The following MAP2K3 variants were observed in gnomAD, a reference collection of about 807,000 sequenced individuals.
MAP2K3 encodes mitogen-activated protein kinase kinase 3.
In MAP2K3, 30 loss-of-function variants were observed where a neutral mutation model predicts 46.4. The ratio of observed to expected loss-of-function variants is 0.65; its 90% CI spans 0.48 to 0.88. The LOEUF (loss-of-function observed/expected upper bound fraction) is 0.88, where lower values mean the gene tolerates loss of function less well. Among genes scored for constraint, MAP2K3 ranks in the 40% least tolerant of loss-of-function variants. MAP2K3 has a pLI of 0.00. For missense variants in MAP2K3, 380 were observed against 464.5 expected (o/e 0.82, Z 1.67); for synonymous variants, 189 against 176.3 (o/e 1.07, Z -0.57).
At chr17:21,307,396 G>A (rs943411661) in intron 9 of MAP2K3, among the ~76,000 whole-genome samples, 70 of 152,212 alleles carry the variant, frequency 4.6e-4, no homozygotes, top group Non-Finnish European at 9.0e-4. Flanking sequence ...GTGGCTCTGG[G>A]GACAGGTGGA....
At chr17:21,296,300 T>C in intron 1 of MAP2K3, 1 of 822,292 alleles carries the variant, frequency 1.2e-6, no homozygotes, top group Admixed American at 2.4e-5. Flanking sequence ...GAGCTGGAGT[T>C]TACCACGGCT....
intron 9 of MAP2K3, among the ~76,000 whole-genome samples, chr17:21,306,486 A>G (rs1369261763): frequency 6.6e-6 from 1 of 152,286 alleles, no homozygotes; most frequent in Non-Finnish European, 1.5e-5. Context: ...TCTCAAGCTC[A>G]TGGAATTTTG....
chr17:21,298,801 ACACTGGCCCATCTACTGCTG>A, intron 2 of MAP2K3, 57 bp from the exon 3 acceptor site: 1 of 1,608,390 alleles, frequency 6.2e-7, no homozygotes, highest in East Asian at 2.2e-5. Flanking sequence ...GCCAGGCCCC[ACACTGGCCCATCTACTGCTG>A]CACTTGGGGA....
chr17:21,287,435 C>T (rs563265480), intron 1 of MAP2K3, among the ~76,000 whole-genome samples: 1 of 152,380 alleles, frequency 6.6e-6, no homozygotes, highest in Non-Finnish European at 1.5e-5. Flanking sequence ...ATCCCTTCTC[C>T]ACCTTCTCAA....
At chr17:21,305,533 G>A in intron 9 of MAP2K3, among the ~76,000 whole-genome samples, 1 of 152,306 alleles carries the variant, frequency 6.6e-6, no homozygotes, top group East Asian at 1.9e-4. Context: ...GCGGTGGGGT[G>A]GTAGAAAGGG....
At chr17:21,286,262 G>C (rs895503342) in intron 1 of MAP2K3, among the ~76,000 whole-genome samples, 1 of 152,246 alleles carries the variant, frequency 6.6e-6, no homozygotes, top group African/African-American at 2.4e-5. Context: ...TGCTGGAAAG[G>C]CCTCCACTGC....
chr17:21,291,147 G>C lies in MAP2K3; in HGVS notation c.49+6178G>C, dbSNP rs992118709. On this transcript the variant is annotated intron_variant, in intron 1 of 11. Coordinates refer to ENST00000342679, the MANE Select transcript of MAP2K3 (RefSeq NM_145109.3). ...TAGTCCCAGCTACTCGGGAGGCTGA[G>C]GCAGGAGAATGGCATGAACCCGGGA... 2.6e-5 allele frequency among the ~76,000 whole-genome samples: 4 copies of C among 152,308 alleles called. No individual in the cohort carries two copies. In the South Asian group the frequency reaches 8.3e-4, roughly 31 times the overall value.
intron 11 of MAP2K3, 197 bp downstream of exon 11, chr17:21,313,734 C>A (rs756439084): frequency 3.2e-6 from 2 of 620,808 alleles, no homozygotes; most frequent in Admixed American, 5.1e-5. Flanking sequence ...CATGCCAGGC[C>A]CTGGGAAGGG....
chr17:21,296,514 T>G (rs918044442), intron 1 of MAP2K3, among the ~76,000 whole-genome samples: 9 of 152,306 alleles, frequency 5.9e-5, no homozygotes, highest in Non-Finnish European at 1.2e-4. Context: ...GGGCTCCCTG[T>G]GGCAGGGGTG....
rs1597819122 is a variant in MAP2K3 at position 21,302,045 on chromosome 17, A to T, written c.400-98A>T. 5.3e-6 allele frequency: 6 copies of T among 1,137,754 alleles called. No individual in the cohort carries two copies. In the East Asian group the frequency reaches 1.5e-4, roughly 28 times the overall value. The allele number at this position is 1,137,754 out of a possible 1,614,324, so 70.5% of individuals were successfully genotyped here. ...CTGAGTGGGTGGGCACACGTCGGAG[A>T]GGGGGCTGGGGCTGGGGCTGGTGCT... On this transcript the variant is annotated intron_variant, in intron 5 of 11. Coordinates refer to ENST00000342679, the MANE Select transcript of MAP2K3 (RefSeq NM_145109.3).
chr17:21,292,092 G>C (rs117552589), intron 1 of MAP2K3, among the ~76,000 whole-genome samples: 3,913 of 150,410 alleles, frequency 0.026, no homozygotes, highest in Middle Eastern at 0.069. Context: ...CCTCAGGCGT[G>C]TCCTGGGGCC....
chr17:21,314,287 G>T lies in MAP2K3; in HGVS notation c.*57G>T, dbSNP rs1393338674. 6 of 1,458,300 alleles carry T rather than the reference G, an allele frequency of 4.1e-6. No homozygotes were observed. The highest frequency in any genetic ancestry group is 5.8e-6 in the Non-Finnish European group (6 of 1,041,964). 90.3% of individuals were successfully genotyped at this position (1,458,300 alleles called of 1,614,324 possible). On this transcript the variant is annotated 3_prime_UTR_variant, in exon 12 of 12. Coordinates refer to ENST00000342679, the MANE Select transcript of MAP2K3 (RefSeq NM_145109.3). The stretch of plus-strand genomic sequence containing the variant: ...CAGAGCCCCACAGCCCCATCTGCGG[G>T]GGCAGTGCTCACCCACACCATAAGC...
Position 21,296,220 on chromosome 17 carries a change from A to G in MAP2K3, c.50-2193A>G, listed in dbSNP as rs1268684084. The G allele has an allele frequency of 2.3e-6, 3 of 1,283,684 alleles. No individual in the cohort carries two copies. In the Admixed American group the frequency reaches 6.9e-5, roughly 29 times the overall value. The allele number at this position is 1,283,684 out of a possible 1,614,324, so 79.5% of individuals were successfully genotyped here. ...GCACTGTGCGGGGCAGGTGGGTGGC[A>G]TTTCTGCCTCGAGCTGTTTTGTACA... On this transcript the variant is annotated intron_variant, in intron 1 of 11. Transcript: ENST00000342679.
intron 1 of MAP2K3, chr17:21,295,716 G>T (rs1417981437): frequency 1.6e-6 from 2 of 1,289,550 alleles, no homozygotes; most frequent in Non-Finnish European, 2.0e-6. Flanking sequence ...ACCCAGGCCT[G>T]CGAGGAGCGT....
chr17:21,286,570 C>A lies in MAP2K3; in HGVS notation c.49+1601C>A, dbSNP rs137886668. Among the ~76,000 whole-genome samples the A allele has an allele frequency of 1.9e-4, 29 of 152,322 alleles. No individual in the cohort carries two copies. In the East Asian group the frequency reaches 4.2e-3, roughly 22 times the overall value. On this transcript the variant is annotated intron_variant, in intron 1 of 11. Transcript: ENST00000342679. ...GACGGGGGAGGTGTCTGGGGAGGGA[C>A]TTGCACTGCACAGACCTCGTGGAGC...
At chr17:21,303,046 GGA>G in intron 6 of MAP2K3, 135 bp from the exon 7 acceptor site, 1 of 1,134,804 alleles carries the variant, frequency 8.8e-7, no homozygotes, top group Non-Finnish European at 1.3e-6. Flanking sequence ...CAGGAGGCTG[GGA>G]TGAGAGGGTG....
chr17:21,292,117 C>T (rs1457207838), intron 1 of MAP2K3, among the ~76,000 whole-genome samples: 1 of 152,310 alleles, frequency 6.6e-6, no homozygotes, highest in African/African-American at 2.4e-5. Flanking sequence ...GTGTCAGCAT[C>T]TGCACTGGAC....
At chr17:21,286,646 G>C (rs532912891) in intron 1 of MAP2K3, among the ~76,000 whole-genome samples, 1 of 152,356 alleles carries the variant, frequency 6.6e-6, no homozygotes. Context: ...CTCGGGGAAG[G>C]GTAGGAAGCA....
At position 21,284,796 on chromosome 17, in the gene MAP2K3, CGCCGCCGCCGCT is replaced by C. The variant is rs1975678908; in HGVS notation, c.-122_-111del. 2.6e-6 allele frequency: 3 copies of C among 1,146,838 alleles called. No individual in the cohort carries two copies. The highest frequency in any genetic ancestry group is 3.7e-5 in the Admixed American group (1 of 27,174). The allele number at this position is 1,146,838 out of a possible 1,614,324, so 71.0% of individuals were successfully genotyped here. A position where few individuals can be genotyped will look rare whatever the true frequency, so the allele number is the denominator to read the frequency against. ...TCGCCGCAGTCGCCGCCGCCGCCGCCGCCGCCGCCGCTGCTCCTCCGCCTGGCCTGGGCCGTC... is the reference window on the plus strand; with the variant it reads ...TCGCCGCAGTCGCCGCCGCCGCCGCCGCTCCTCCGCCTGGCCTGGGCCGTC... On this transcript the variant is annotated 5_prime_UTR_variant, in exon 1 of 12. Coordinates refer to ENST00000342679, the MANE Select transcript of MAP2K3 (RefSeq NM_145109.3).
Sources: gnomAD v4.1 joint callset for allele counts (sites outside exome capture counted in the v4.1 genomes callset) on GRCh38, gnomAD v4.1.1 for gene constraint, MANE v1.5 for transcripts, NCBI Gene and HGNC (gene_info 2026-07-23, HGNC 2026-07-21) for gene names.